KAT6B: variants seen among roughly 807,000 people sequenced by gnomAD.
KAT6B encodes histone acetyltransferase KAT6B.
In KAT6B, 10 loss-of-function variants were observed where a neutral mutation model predicts 187.5. That is an observed-to-expected ratio of 0.05 (90% CI 0.03 to 0.09). The LOEUF (loss-of-function observed/expected upper bound fraction) is 0.09. Ranked by LOEUF, KAT6B falls within the 10% of genes least tolerant of loss-of-function variation. The pLI, the probability that KAT6B is intolerant of heterozygous loss-of-function variation, is 1.00. For missense variants in KAT6B, 1,952 were observed against 2,558.9 expected (o/e 0.76, Z 5.12); for synonymous variants, 861 against 926.8 (o/e 0.93, Z 1.29).
At chr10:74,883,978 T>C (rs1042374146) in intron 3 of KAT6B, among the ~76,000 whole-genome samples, 1 of 152,214 alleles carries the variant, frequency 6.6e-6, no homozygotes, top group Non-Finnish European at 1.5e-5. Flanking sequence ...AGAAGACTTC[T>C]TTTCTCTAAC....
chr10:74,887,741 T>A (rs557266936), intron 3 of KAT6B, among the ~76,000 whole-genome samples: 73 of 152,144 alleles, frequency 4.8e-4, no homozygotes, highest in Non-Finnish European at 9.4e-4. Context: ...GTGCAGTGGC[T>A]CCTGCCCATA....
In KAT6B at chr10:74,960,004, G is replaced by C; in HGVS notation, c.656G>C (p.Cys219Ser). The C allele has an allele frequency of 6.2e-7, 1 of 1,613,438 alleles. No individual in the cohort carries two copies. Among genetic ancestry groups the C allele is most frequent in the Non-Finnish European group, 8.5e-7 (1 of 1,179,454 alleles). ...RADPIPICSFCLGTKESNREK... is the reference protein window; with the variant it reads ...RADPIPICSFSLGTKESNREK... ...GATCCCATTCCAATATGTAGCTTCT[G>C]TTTGGGGACTAAAGAATCAAATCGT... Residue 219 changes from cysteine (C) to serine (S), a missense_variant, in exon 4 of 18, where the codon TGT (cysteine) becomes TCT (serine). Transcript: ENST00000287239.
chr10:75,028,575 G>A lies in KAT6B; in HGVS notation c.3751G>A (p.Gly1251Arg), dbSNP rs781706128. 9 of 1,614,156 alleles carry A rather than the reference G, an allele frequency of 5.6e-6. No individual in the cohort carries two copies. The South Asian group carries it at 6.6e-5, about 12-fold the overall frequency. ...AAAGTGCAAACAAGTGTGGCCAAAA[G>A]GAACAAAGCGCGGTCTATCTAAGTG... ...PLKCKQVWPK[G>R]TKRGLSKWRQ... Residue 1251 changes from glycine (G) to arginine (R), a missense_variant, in exon 18 of 18, where the codon GGA (glycine) becomes AGA (arginine). This residue lies in a region of KAT6B where 758 missense variants were observed against 891.4 expected (regional missense o/e 0.85). Coordinates refer to ENST00000287239, the MANE Select transcript of KAT6B (RefSeq NM_012330.4).
chr10:75,003,012 T>C (rs1440187041), intron 13 of KAT6B: 3 of 152,216 alleles, frequency 2.0e-5, no homozygotes, highest in Non-Finnish European at 2.9e-5. Flanking sequence ...TTAGGGACAA[T>C]TTTATTTTAT....
chr10:74,976,401 A>G lies in KAT6B; in HGVS notation c.1993+71A>G, dbSNP rs191600556. 3,988 of 1,243,020 alleles carry G rather than the reference A, an allele frequency of 3.2e-3. 21 individuals are homozygous for G. Among genetic ancestry groups the G allele is most frequent in the Middle Eastern group, 0.011 (43 of 4,094 alleles). 77.0% of individuals were successfully genotyped at this position (1,243,020 alleles called of 1,614,324 possible). On this transcript the variant is annotated intron_variant, in intron 8 of 17. Transcript: ENST00000287239. ...TTCTCCCCAACCCTGAAAAAAATCA[A>G]CCAATCAATTCCTATTTGTCACATA...
intron 3 of KAT6B, among the ~76,000 whole-genome samples, chr10:74,861,947 G>A (rs1428832358): frequency 1.3e-5 from 2 of 151,884 alleles, no homozygotes; most frequent in Non-Finnish European, 2.9e-5. Flanking sequence ...ATGATTTGAC[G>A]ATGGGCCTCT....
At chr10:74,877,055 C>T (rs1844467846) in intron 3 of KAT6B, among the ~76,000 whole-genome samples, 3 of 151,712 alleles carry the variant, frequency 2.0e-5, no homozygotes. Flanking sequence ...CAACCTCTAC[C>T]TGCCGGTTCA....
chr10:74,880,460 T>G (rs1338629178), intron 3 of KAT6B, among the ~76,000 whole-genome samples: 1 of 152,276 alleles, frequency 6.6e-6, no homozygotes, highest in Non-Finnish European at 1.5e-5. Context: ...TATACCACAT[T>G]TTATTTCATT....
At chr10:74,930,542 GTAA>G (rs766507955) in intron 3 of KAT6B, among the ~76,000 whole-genome samples, 8 of 152,138 alleles carry the variant, frequency 5.3e-5, no homozygotes, top group Non-Finnish European at 1.2e-4. Context: ...GTAGTTTTTT[GTAA>G]TAATGAAAGA....
At chr10:74,847,221 G>A (rs568641588) in intron 3 of KAT6B, among the ~76,000 whole-genome samples, 7 of 152,252 alleles carry the variant, frequency 4.6e-5, no homozygotes, top group Non-Finnish European at 7.4e-5. Flanking sequence ...CTATAATGAG[G>A]AAAGCTGAGA....
intron 13 of KAT6B, 64 bp from the exon 14 acceptor site, chr10:75,020,518 G>A: frequency 9.0e-7 from 1 of 1,110,742 alleles, no homozygotes; most frequent in South Asian, 1.2e-5. Context: ...TATTTCTAGT[G>A]GCTCCTGTTC....
intron 3 of KAT6B, among the ~76,000 whole-genome samples, chr10:74,899,295 A>G (rs111941428): frequency 1.0e-4 from 11 of 107,290 alleles, no homozygotes; most frequent in African/African-American, 3.1e-4. Context: ...ATTATTTGAG[A>G]CGGAGTTTCT....
chr10:74,828,534 C>A, intron 1 of KAT6B, among the ~76,000 whole-genome samples: 1 of 145,766 alleles, frequency 6.9e-6, no homozygotes, highest in Non-Finnish European at 1.5e-5. Context: ...TGAAATAAAA[C>A]ACTCCATTTT....
chr10:74,921,205 C>G (rs1221894116), intron 3 of KAT6B, among the ~76,000 whole-genome samples: 1 of 150,340 alleles, frequency 6.7e-6, no homozygotes, highest in Non-Finnish European at 1.5e-5. Context: ...ACCTCCACCT[C>G]CTGGCTTCAA....
chr10:74,892,105 C>T (rs1306627730), intron 3 of KAT6B, among the ~76,000 whole-genome samples: 4 of 152,140 alleles, frequency 2.6e-5, no homozygotes, highest in South Asian at 2.1e-4. Flanking sequence ...TGGTGGCTCA[C>T]GCCTGTAATC....
In KAT6B at chr10:74,842,728, T is replaced by A; in HGVS notation, c.-130T>A. The A allele has an allele frequency of 1.0e-6, 1 of 993,376 alleles. No homozygotes were observed. 61.5% of individuals were successfully genotyped at this position (993,376 alleles called of 1,614,324 possible). A position where few individuals can be genotyped will look rare whatever the true frequency, so the allele number is the denominator to read the frequency against. Reference sequence around the variant, plus strand: ...CTTAAGGATGGATGTTTGTAAGATGTTGCTTAATACAGTCTGGAATACTCT... The same window carrying A: ...CTTAAGGATGGATGTTTGTAAGATGATGCTTAATACAGTCTGGAATACTCT... On this transcript the variant is annotated 5_prime_UTR_variant, in exon 3 of 18. It adds an upstream start codon to the 5' untranslated region. Coordinates refer to ENST00000287239, the MANE Select transcript of KAT6B (RefSeq NM_012330.4).
rs1018056307 is a variant in KAT6B, at chr10:75,024,974, A to C, written c.3389A>C (p.Lys1130Thr). Reference sequence around the variant, plus strand: ...TAATTTCAGAGGCCTTTTGTACTAAAGAAGAAAAGGGGTCGTAAACGCAGG... The same window carrying C: ...TAATTTCAGAGGCCTTTTGTACTAACGAAGAAAAGGGGTCGTAAACGCAGG... The part of the protein sequence containing the change: ...AIKRKRPFVL[K>T]KKRGRKRRRI... Residue 1130 changes from lysine (K) to threonine (T), a missense_variant, in exon 17 of 18, where the codon AAG becomes ACG. Physicochemically the swap from Lys to Thr is moderately conservative, Grantham distance 78. Around this residue, in one of 9 missense-constraint regions of KAT6B, gnomAD observed 758 missense variants for 891.4 expected, o/e 0.85. Coordinates refer to ENST00000287239, the MANE Select transcript of KAT6B (RefSeq NM_012330.4). 1 of 1,614,228 alleles carries C rather than the reference A, an allele frequency of 6.2e-7. No individual in the cohort carries two copies. Among genetic ancestry groups the C allele is most frequent in the Non-Finnish European group, 8.5e-7 (1 of 1,180,034 alleles).
At chr10:74,980,811 T>G (rs1842463552) in intron 10 of KAT6B, among the ~76,000 whole-genome samples, 1 of 152,254 alleles carries the variant, frequency 6.6e-6, no homozygotes, top group Non-Finnish European at 1.5e-5. Flanking sequence ...GTTTGTCTTT[T>G]ACTCAAAGTA....
chr10:74,936,059 A>G (rs1023625940), intron 3 of KAT6B, among the ~76,000 whole-genome samples: 2 of 152,112 alleles, frequency 1.3e-5, no homozygotes, highest in Admixed American at 1.3e-4. Context: ...TAGCATGAAG[A>G]TGATTTGTTG....
Sources: gnomAD v4.1 joint callset for allele counts (sites outside exome capture counted in the v4.1 genomes callset) on GRCh38, gnomAD v4.1.1 for gene constraint, gnomAD v4.1.1 regional missense constraint, MANE v1.5 for transcripts, NCBI Gene and HGNC (gene_info 2026-07-23, HGNC 2026-07-21) for gene names.